VPS13B: variants seen among roughly 807,000 people sequenced by gnomAD.
VPS13B encodes the protein intermembrane lipid transfer protein VPS13B.
A neutral mutation model predicts 426.4 loss-of-function variants in VPS13B; 285 were observed. The ratio of observed to expected loss-of-function variants is 0.67; its 90% CI spans 0.61 to 0.74. The LOEUF (loss-of-function observed/expected upper bound fraction) is 0.74, where lower values mean the gene tolerates loss of function less well. VPS13B is among the 30% of genes least tolerant of loss of function. The pLI is 0.00. For missense variants in VPS13B, 4,537 were observed against 4,782.6 expected, an observed-to-expected ratio of 0.95 and a Z score of 1.51; for synonymous variants, 1,676 against 1,676.4, an observed-to-expected ratio of 1.00 and a Z score of 0.01.
At chr8:99,147,022 A>G (rs1298850628) in intron 13 of VPS13B, among the ~76,000 whole-genome samples, 1 of 152,186 alleles carries the variant, frequency 6.6e-6, no homozygotes. Flanking sequence ...GATATGCCAT[A>G]TATACATGGT....
At chr8:99,546,659 C>T (rs973846065) in intron 30 of VPS13B, among the ~76,000 whole-genome samples, 7 of 151,914 alleles carry the variant, frequency 4.6e-5, no homozygotes, top group Admixed American at 2.6e-4. Flanking sequence ...AATATTATTA[C>T]TATCATTTAT....
chr8:99,708,849 C>CTCTATATATA (rs201729748), intron 36 of VPS13B, among the ~76,000 whole-genome samples: 8 of 147,224 alleles, frequency 5.4e-5, no homozygotes, highest in Admixed American at 2.1e-4. Context: ...CTCTCTCTCT[C>CTCTATATATA]TATATATATA....
chr8:99,233,117 T>G, intron 17 of VPS13B: 1 of 1,356,146 alleles, frequency 7.4e-7, no homozygotes, highest in Non-Finnish European at 1.1e-6. Flanking sequence ...TCTTGTACAG[T>G]TTCCCTGATA....
intron 19 of VPS13B, among the ~76,000 whole-genome samples, chr8:99,309,766 C>T (rs935460066): frequency 6.6e-5 from 10 of 152,114 alleles, no homozygotes; most frequent in South Asian, 2.1e-4. Flanking sequence ...TATAAATTAC[C>T]GTGGCCAGTA....
chr8:99,223,561 C>A (rs1042170394), intron 17 of VPS13B, among the ~76,000 whole-genome samples: 1 of 152,086 alleles, frequency 6.6e-6, no homozygotes, highest in Admixed American at 6.5e-5. Flanking sequence ...GAATATCAAT[C>A]CATGTACTCT....
chr8:99,642,168 G>C lies in VPS13B; in HGVS notation c.5578G>C (p.Ala1860Pro). 6.2e-7 allele frequency: 1 copy of C among 1,614,154 alleles called. No individual in the cohort carries two copies. The highest frequency in any genetic ancestry group is 8.5e-7 in the Non-Finnish European group (1 of 1,180,030). The change falls in exon 34 of 62, where the codon GCT (alanine) becomes CCT (proline). Residue 1860 changes from alanine (A) to proline (P), a missense_variant. This residue lies in a region of VPS13B where 4,311 missense variants were observed against 4,474.3 expected (regional missense o/e 0.96). Coordinates refer to ENST00000357162, the MANE Select transcript of VPS13B (RefSeq NM_152564.5). The part of the protein sequence containing the change: ...LNLPEVDSDV[A>P]KPNQACISTV... Reference sequence around the variant, plus strand: ...TCTCCCAGAAGTTGATTCAGATGTTGCTAAGCCCAACCAGGCATGTATTTC... The same window carrying C: ...TCTCCCAGAAGTTGATTCAGATGTTCCTAAGCCCAACCAGGCATGTATTTC...
At chr8:99,452,882 T>C (rs1213122058) in intron 23 of VPS13B, among the ~76,000 whole-genome samples, 1 of 152,164 alleles carries the variant, frequency 6.6e-6, no homozygotes, top group Non-Finnish European at 1.5e-5. Context: ...AATCAACATC[T>C]TGAGTTTCAT....
At position 99,848,320 on chromosome 8, in the gene VPS13B, G is replaced by C. The variant is rs191498703; in HGVS notation, c.9943-456G>C. ...TGCTCCTAGGTGGGTTTTGAGGTAT[G>C]TTTTTGTGTCCCTAGCCCAGAAGGA... On this transcript the variant is annotated intron_variant, in intron 54 of 61. Coordinates refer to ENST00000357162, the MANE Select transcript of VPS13B (RefSeq NM_152564.5). Among the ~76,000 whole-genome samples the C allele has an allele frequency of 1.4e-4, 22 of 152,326 alleles. 1 individual carries two copies. The East Asian group carries it at 3.7e-3, about 25-fold the overall frequency.
chr8:99,041,749 A>T (rs1387718243), intron 3 of VPS13B, among the ~76,000 whole-genome samples: 1 of 151,392 alleles, frequency 6.6e-6, no homozygotes, highest in Non-Finnish European at 1.5e-5. Context: ...GCTACTCGGG[A>T]GGCTGAGGCA....
At chr8:99,599,938 G>A (rs1827205371) in intron 33 of VPS13B, among the ~76,000 whole-genome samples, 1 of 152,090 alleles carries the variant, frequency 6.6e-6, no homozygotes, top group South Asian at 2.1e-4. Flanking sequence ...GAGATGGAAG[G>A]CTTTGATGAT....
chr8:99,023,405 C>A (rs1356825345), intron 2 of VPS13B, among the ~76,000 whole-genome samples: 2 of 151,992 alleles, frequency 1.3e-5, no homozygotes, highest in Admixed American at 1.3e-4. Context: ...ATTCATGTTG[C>A]TGCAAAAGAC....
At chr8:99,252,464 A>G (rs1337940544) in intron 17 of VPS13B, among the ~76,000 whole-genome samples, 1 of 152,084 alleles carries the variant, frequency 6.6e-6, no homozygotes, top group Non-Finnish European at 1.5e-5. Flanking sequence ...CTGGCCCAGT[A>G]TAATATTATC....
At chr8:99,614,668 C>T (rs1029436810) in intron 33 of VPS13B, among the ~76,000 whole-genome samples, 3 of 152,004 alleles carry the variant, frequency 2.0e-5, no homozygotes, top group African/African-American at 4.8e-5. Flanking sequence ...AGGCTTAATC[C>T]GGGTCATTTA....
At chr8:99,352,235 T>C (rs117320955) in intron 19 of VPS13B, among the ~76,000 whole-genome samples, 1 of 152,166 alleles carries the variant, frequency 6.6e-6, no homozygotes, top group East Asian at 1.9e-4. Flanking sequence ...GTCCTCCCCT[T>C]GAGTGATTTT....
intron 21 of VPS13B, among the ~76,000 whole-genome samples, chr8:99,404,714 A>G (rs1263214180): frequency 2.0e-5 from 3 of 152,218 alleles, no homozygotes; most frequent in Non-Finnish European, 4.4e-5. Context: ...TAAATCAAGA[A>G]TTAGGAAGGT....
chr8:99,277,691 T>C (rs1391443957), intron 19 of VPS13B, among the ~76,000 whole-genome samples: 1 of 152,204 alleles, frequency 6.6e-6, no homozygotes, highest in Non-Finnish European at 1.5e-5. Flanking sequence ...TCTACACTCC[T>C]TTAGTTTTCC....
intron 17 of VPS13B, among the ~76,000 whole-genome samples, chr8:99,254,810 T>C (rs1053889049): frequency 2.3e-4 from 35 of 152,052 alleles, no homozygotes; most frequent in African/African-American, 8.0e-4. Context: ...GCCTAGCTGA[T>C]TTTTGTATTG....
chr8:99,387,054 C>T (rs1003001079), intron 20 of VPS13B, among the ~76,000 whole-genome samples: 8 of 152,132 alleles, frequency 5.3e-5, no homozygotes, highest in Non-Finnish European at 1.2e-4. Flanking sequence ...GTATATGTCT[C>T]CATACCTAAA....
rs201629859 is a variant in VPS13B, at chr8:99,319,227, T to C, written c.2824+43973T>C. Among the ~76,000 whole-genome samples, 5 of 152,336 alleles carry C rather than the reference T, an allele frequency of 3.3e-5. No homozygotes were observed. In the East Asian group the frequency reaches 9.6e-4, roughly 29 times the overall value. ...TACCGGGACAGTTACAAGTCTTGCC[T>C]GTGTATATGTGTTGCATATTGGCAA... On this transcript the variant is annotated intron_variant, in intron 19 of 61. Coordinates refer to ENST00000357162, the MANE Select transcript of VPS13B (RefSeq NM_152564.5).
Sources: allele counts gnomAD v4.1 joint callset (sites outside exome capture counted in the v4.1 genomes callset), GRCh38; gene constraint gnomAD v4.1.1; regional missense constraint gnomAD v4.1.1; transcripts MANE v1.5; gene names NCBI Gene and HGNC (gene_info 2026-07-23, HGNC 2026-07-21).